NTRK2: variants seen among roughly 807,000 people sequenced by gnomAD.
NTRK2 encodes the protein BDNF/NT-3 growth factors receptor.
Under a neutral mutation model 94.5 loss-of-function variants are expected in NTRK2, and 13 were observed. The observed-to-expected ratio is 0.14, with a 90% CI of 0.09 to 0.22. NTRK2 has a LOEUF of 0.22. Among genes scored for constraint, NTRK2 ranks in the 10% least tolerant of loss-of-function variants. The probability of loss-of-function intolerance (pLI) is 1.00; values close to 1 mark genes in which losing one functional copy is unlikely to be tolerated. For synonymous variants in NTRK2, 372 were observed against 407.4 expected (o/e 0.91, Z 1.05); for missense variants, 639 against 1,071.2 (o/e 0.60, Z 5.63).
At chr9:84,761,394 C>A (rs1160407039) in intron 12 of NTRK2, among the ~76,000 whole-genome samples, 3 of 152,154 alleles carry the variant, frequency 2.0e-5, no homozygotes, top group Non-Finnish European at 4.4e-5. Context: ...CCTGGCAAGA[C>A]TTGAGTATAG....
chr9:84,876,425 C>A (rs2076069676), intron 14 of NTRK2: 2 of 1,054,730 alleles, frequency 1.9e-6, no homozygotes, highest in African/African-American at 3.3e-5. Flanking sequence ...TACTTACTCC[C>A]CTTCCCTGCA....
rs1392730927 is a variant in NTRK2 at position 85,024,964 on chromosome 9, TTGTG to T, written c.*3531_*3534del. 2.1e-5 allele frequency: 5 copies of T among 233,046 alleles called. No individual in the cohort carries two copies. In the East Asian group the frequency reaches 3.0e-4, roughly 14 times the overall value. 14.4% of individuals were successfully genotyped at this position (233,046 alleles called of 1,614,324 possible). A position where few individuals can be genotyped will look rare whatever the true frequency, so the allele number is the denominator to read the frequency against. ...ATACAAATGCACATACGTAGTGTGTTTGTGTGTTTATGTATAAATTTATAGGCAC... is the reference window on the plus strand; with the variant it reads ...ATACAAATGCACATACGTAGTGTGTTTGTTTATGTATAAATTTATAGGCAC... On this transcript the variant is annotated 3_prime_UTR_variant, in exon 19 of 19. Transcript: ENST00000277120.
chr9:84,733,300 A>G (rs6559823), intron 9 of NTRK2, among the ~76,000 whole-genome samples: 118,363 of 152,176 alleles, frequency 0.78, 46,219 homozygotes, highest in East Asian at 0.89. Context: ...CCAAGGACAT[A>G]GGTCCAGTTC....
chr9:84,669,603 C>T (rs1024520479), upstream of NTRK2: 1 of 153,110 alleles, frequency 6.5e-6, no homozygotes, highest in African/African-American at 2.4e-5. This position sits in a 1 kb window ranked among gnomAD's most constrained non-coding sequence, Gnocchi z 4.1. Context: ...AGATTCCCCT[C>T]CCCTCCCTGG....
At chr9:84,908,567 A>C (rs981303096) in intron 14 of NTRK2, among the ~76,000 whole-genome samples, 2 of 152,222 alleles carry the variant, frequency 1.3e-5, no homozygotes, top group Middle Eastern at 6.3e-3. Flanking sequence ...TTAACAGTGC[A>C]CAATACACAT....
chr9:84,773,509 A>G (rs2066749465), intron 12 of NTRK2, among the ~76,000 whole-genome samples: 1 of 152,122 alleles, frequency 6.6e-6, no homozygotes, highest in Non-Finnish European at 1.5e-5. Flanking sequence ...CTTAAATCTT[A>G]CTGTTTTTCC....
chr9:84,976,456 A>G (rs779192577), intron 17 of NTRK2, among the ~76,000 whole-genome samples: 1 of 152,212 alleles, frequency 6.6e-6, no homozygotes, highest in Non-Finnish European at 1.5e-5. Flanking sequence ...TTTGGCGGGG[A>G]CATAATTTAG....
At chr9:84,938,633 G>C (rs987567528) in intron 15 of NTRK2, among the ~76,000 whole-genome samples, 5 of 152,190 alleles carry the variant, frequency 3.3e-5, no homozygotes, top group African/African-American at 9.7e-5. Flanking sequence ...GATGGCAATA[G>C]TGCCTTTTAG....
At chr9:84,860,439 A>G (rs375488569) in intron 12 of NTRK2, among the ~76,000 whole-genome samples, 1 of 152,182 alleles carries the variant, frequency 6.6e-6, no homozygotes, top group Non-Finnish European at 1.5e-5. Flanking sequence ...GCGAGAATCC[A>G]TGTAGAATTA....
intron 16 of NTRK2, among the ~76,000 whole-genome samples, chr9:84,953,522 C>A (rs954495660): frequency 6.6e-6 from 1 of 152,234 alleles, no homozygotes; most frequent in African/African-American, 2.4e-5. Context: ...GGAGCTTTGG[C>A]CACTGTGCCG....
chr9:84,739,346 C>A (rs527626693), intron 9 of NTRK2, among the ~76,000 whole-genome samples: 2 of 152,216 alleles, frequency 1.3e-5, no homozygotes, highest in East Asian at 1.9e-4. Context: ...TCACCACCCC[C>A]GGCCCTGGCC....
At chr9:84,820,837 A>G (rs534093673) in intron 12 of NTRK2, among the ~76,000 whole-genome samples, 2 of 152,318 alleles carry the variant, frequency 1.3e-5, no homozygotes, top group Non-Finnish European at 2.9e-5. Flanking sequence ...TATAATATTG[A>G]TACTATCACT....
chr9:84,954,453 T>A (rs1823856130), intron 16 of NTRK2, among the ~76,000 whole-genome samples: 1 of 152,122 alleles, frequency 6.6e-6, no homozygotes, highest in African/African-American at 2.4e-5. Context: ...AAAAATAAGA[T>A]TTAAAAAATC....
At chr9:84,777,252 C>T (rs2067137439) in intron 12 of NTRK2, among the ~76,000 whole-genome samples, 1 of 152,124 alleles carries the variant, frequency 6.6e-6, no homozygotes, top group African/African-American at 2.4e-5. Context: ...ACAGAACCTC[C>T]TCTTATTCTC....
intron 12 of NTRK2, among the ~76,000 whole-genome samples, chr9:84,804,609 C>A (rs568758062): frequency 5.9e-5 from 9 of 152,246 alleles, no homozygotes; most frequent in African/African-American, 2.2e-4. Context: ...AGCACTCTGG[C>A]TTCATATACT....
chr9:84,670,707 C>G lies in NTRK2; in HGVS notation c.-42C>G, dbSNP rs746446929. On this transcript the variant is annotated 5_prime_UTR_variant, in exon 2 of 19. Transcript: ENST00000277120. ...CACGGGTGGGGGAAAGCGGCCGGTG[C>G]AGCGCGGGGACAGGCACTCGGGCTG... The G allele has an allele frequency of 2.5e-6, 4 of 1,597,582 alleles. No homozygotes were observed. The Admixed American group carries it at 5.0e-5, about 20-fold the overall frequency.
intron 12 of NTRK2, chr9:84,815,558 G>A: frequency 9.9e-7 from 1 of 1,009,046 alleles, no homozygotes. Context: ...GGGTTTAAAA[G>A]CCATCTTTTC....
intron 6 of NTRK2, among the ~76,000 whole-genome samples, chr9:84,719,881 G>A (rs1361344384): frequency 1.3e-5 from 2 of 151,932 alleles, no homozygotes; most frequent in Non-Finnish European, 2.9e-5. Flanking sequence ...TTAGTCAGGG[G>A]TGGTGGTGTG....
intron 15 of NTRK2, among the ~76,000 whole-genome samples, chr9:84,945,356 G>A (rs899276090): frequency 3.9e-5 from 6 of 152,152 alleles, no homozygotes; most frequent in African/African-American, 1.4e-4. Context: ...GACACACTTC[G>A]ACTGTCAAAG....
Sources: allele counts gnomAD v4.1 joint callset (sites outside exome capture counted in the v4.1 genomes callset), GRCh38; gene constraint gnomAD v4.1.1; non-coding constraint Gnocchi (gnomAD v3.1); transcripts MANE v1.5; gene names NCBI Gene and HGNC (gene_info 2026-07-23, HGNC 2026-07-21).